The following PRRG1 variants were observed in gnomAD, a reference collection of about 807,000 sequenced individuals.
PRRG1 encodes proline rich and Gla domain 1.
In PRRG1, 5 loss-of-function variants were observed where a neutral mutation model predicts 11.8. That is an observed-to-expected ratio of 0.42 (90% CI 0.22 to 0.89). The LOEUF is 0.89. Ranked by LOEUF, PRRG1 falls within the 40% of genes least tolerant of loss-of-function variation. The pLI is 0.28. For synonymous variants in PRRG1, 66 were observed against 60.4 expected (o/e 1.09, Z -0.43); for missense variants, 155 against 166.1 (o/e 0.93, Z 0.37).
intron 1 of PRRG1, among the ~76,000 whole-genome samples, chrX:37,397,548 A>C (rs782095731): frequency 2.0e-4 from 23 of 112,550 alleles, no homozygotes; most frequent in African/African-American, 6.5e-4. Flanking sequence ...GAACATCAGG[A>C]TGAGGTAGCA....
chrX:37,452,112 C>A (rs1556396679), intron 3 of PRRG1, among the ~76,000 whole-genome samples: 1 of 112,303 alleles, frequency 8.9e-6, no homozygotes, highest in African/African-American at 3.2e-5. Context: ...GTAAGAAAAG[C>A]ACTTTGATAA....
Position 37,453,910 on chromosome X carries a change from C to T in PRRG1, c.*289C>T, listed in dbSNP as rs1412737371. 1.0e-5 allele frequency: 2 copies of T among 191,356 alleles called. No individual in the cohort carries two copies. The highest frequency in any genetic ancestry group is 1.9e-5 in the Non-Finnish European group (2 of 105,104). 15.8% of individuals were successfully genotyped at this position (191,356 alleles called of 1,213,427 possible). A position where few individuals can be genotyped will look rare whatever the true frequency, so the allele number is the denominator to read the frequency against. On this transcript the variant is annotated 3_prime_UTR_variant, in exon 4 of 4. Coordinates refer to ENST00000378628, the MANE Select transcript of PRRG1 (RefSeq NM_001142395.2). ...ATATATGTGTGTATAGGCATATATA[C>T]GTGTGTATGCATCAACACAGTATAT...
At chrX:37,409,352 C>T (rs782671942) in intron 2 of PRRG1, among the ~76,000 whole-genome samples, 29 of 111,893 alleles carry the variant, frequency 2.6e-4, no homozygotes, top group South Asian at 7.5e-4. Context: ...GTGGCAGAGA[C>T]TGCAGAAAAT....
At chrX:37,402,249 C>T (rs1379233187) in intron 1 of PRRG1, among the ~76,000 whole-genome samples, 2 of 111,634 alleles carry the variant, frequency 1.8e-5, no homozygotes, top group African/African-American at 6.5e-5. Flanking sequence ...TACAAGGCTA[C>T]AGTACTCAAA....
chrX:37,398,842 C>T (rs1343096683), intron 1 of PRRG1, among the ~76,000 whole-genome samples: 1 of 111,147 alleles, frequency 9.0e-6, no homozygotes, highest in Admixed American at 9.5e-5. Context: ...ATGCAGAAGC[C>T]TCAGGAGCCG....
At chrX:37,404,968 C>T (rs1475668518) in intron 1 of PRRG1, among the ~76,000 whole-genome samples, 1 of 111,858 alleles carries the variant, frequency 8.9e-6, no homozygotes, top group Non-Finnish European at 1.9e-5. Flanking sequence ...CTGAGAAACG[C>T]CCATCGCTTA....
At position 37,441,241 on chromosome X, in the gene PRRG1, G is replaced by T. The variant is rs1320339057; in HGVS notation, c.172-11895G>T. On this transcript the variant is annotated intron_variant, in intron 3 of 3. Transcript: ENST00000378628. ...AATGAGAAGAAGCTATTACAGAGGG[G>T]ACCAATTAGGGGATAAGAGAAAGTC... The T allele has an allele frequency of 4.0e-5, 31 of 772,524 alleles. No homozygotes were observed. The African/African-American group carries it at 6.8e-4, about 17-fold the overall frequency. The allele number at this position is 772,524 out of a possible 1,213,427, so 63.7% of individuals were successfully genotyped here.
At chrX:37,392,705 T>A (rs1931584340) in intron 1 of PRRG1, among the ~76,000 whole-genome samples, 1 of 104,566 alleles carries the variant, frequency 9.6e-6, no homozygotes, top group African/African-American at 3.5e-5. Flanking sequence ...AAGACAAGTA[T>A]CCTCCCAAAA....
intron 1 of PRRG1, among the ~76,000 whole-genome samples, chrX:37,377,716 A>G (rs1931021917): frequency 8.9e-6 from 1 of 111,757 alleles, no homozygotes; most frequent in Admixed American, 9.5e-5. Context: ...TATCAGTGTG[A>G]TTATTGTAAA....
chrX:37,432,776 C>T (rs1369845774), intron 3 of PRRG1, among the ~76,000 whole-genome samples: 2 of 111,735 alleles, frequency 1.8e-5, no homozygotes, highest in African/African-American at 3.3e-5. Context: ...GTTCCTGGAG[C>T]GCTAAACTGA....
intron 1 of PRRG1, among the ~76,000 whole-genome samples, chrX:37,402,896 C>G (rs2065524009): frequency 8.9e-6 from 1 of 112,026 alleles, no homozygotes; most frequent in Non-Finnish European, 1.9e-5. Flanking sequence ...CCATCACTGG[C>G]CATCAGAGAA....
intron 1 of PRRG1, among the ~76,000 whole-genome samples, chrX:37,352,750 CT>C (rs1165702441): frequency 9.0e-6 from 1 of 111,560 alleles, no homozygotes; most frequent in African/African-American, 3.3e-5. Flanking sequence ...AGTTTCCTCA[CT>C]TGTAAAAATG....
At chrX:37,400,773 T>C (rs1327860261) in intron 1 of PRRG1, among the ~76,000 whole-genome samples, 4 of 109,107 alleles carry the variant, frequency 3.7e-5, no homozygotes, top group Admixed American at 9.7e-5. Flanking sequence ...AAGAATCAAA[T>C]AGACACAATA....
chrX:37,383,788 T>C (rs187096660), intron 1 of PRRG1, among the ~76,000 whole-genome samples: 1 of 111,245 alleles, frequency 9.0e-6, no homozygotes, highest in East Asian at 2.8e-4. Flanking sequence ...CACCAGATTG[T>C]TACATTTGGA....
At chrX:37,390,826 A>G (rs1931498319) in intron 1 of PRRG1, among the ~76,000 whole-genome samples, 1 of 112,381 alleles carries the variant, frequency 8.9e-6, no homozygotes, top group South Asian at 3.7e-4. Flanking sequence ...CTAAAGCTTC[A>G]GGCATGGATA....
chrX:37,360,203 G>T (rs1198964206), intron 1 of PRRG1, among the ~76,000 whole-genome samples: 1 of 111,298 alleles, frequency 9.0e-6, no homozygotes, highest in African/African-American at 3.3e-5. Context: ...GGTTTAATTT[G>T]CTCTTCTTTT....
chrX:37,411,642 G>A (rs1556383921), intron 2 of PRRG1, among the ~76,000 whole-genome samples: 1 of 111,329 alleles, frequency 9.0e-6, no homozygotes. Context: ...TCTTCTAAGT[G>A]CTGTAGTTTG....
At chrX:37,429,076 C>G (rs1198524384) in intron 3 of PRRG1, among the ~76,000 whole-genome samples, 2 of 112,122 alleles carry the variant, frequency 1.8e-5, no homozygotes, top group African/African-American at 6.5e-5. Flanking sequence ...AGCATGGGGA[C>G]CCTGGGCCTG....
chrX:37,388,533 A>G (rs1556375781), intron 1 of PRRG1, among the ~76,000 whole-genome samples: 2 of 113,284 alleles, frequency 1.8e-5, no homozygotes, highest in East Asian at 2.8e-4. Flanking sequence ...TATGGCTTAC[A>G]TCTTCTGAAG....
Sources: gnomAD v4.1 joint callset for allele counts (sites outside exome capture counted in the v4.1 genomes callset) on GRCh38, gnomAD v4.1.1 for gene constraint, MANE v1.5 for transcripts, NCBI Gene and HGNC (gene_info 2026-07-23, HGNC 2026-07-21) for gene names.